HTR7: variants seen among roughly 807,000 people sequenced by gnomAD.
The protein encoded by HTR7 is 5-hydroxytryptamine receptor 7.
In HTR7, 16 loss-of-function variants were observed where a neutral mutation model predicts 34.0. The observed-to-expected ratio is 0.47, with a 90% CI of 0.32 to 0.71. HTR7 has a LOEUF of 0.71. Among genes scored for constraint, HTR7 ranks in the 30% least tolerant of loss-of-function variants. The pLI is 0.04. For synonymous variants in HTR7, 265 were observed against 260.2 expected, an observed-to-expected ratio of 1.02 and a Z score of -0.18; for missense variants, 504 against 625.5, an observed-to-expected ratio of 0.81 and a Z score of 2.07.
intron 1 of HTR7, among the ~76,000 whole-genome samples, chr10:90,762,151 G>T (rs1266379150): frequency 6.6e-6 from 1 of 152,194 alleles, no homozygotes; most frequent in East Asian, 1.9e-4. Context: ...ATACCCAGAA[G>T]TAGAAGCACT....
In HTR7 at chr10:90,857,758, C is replaced by T; in HGVS notation, c.-87G>A. 2 of 1,297,074 alleles carry T rather than the reference C, an allele frequency of 1.5e-6. No individual in the cohort carries two copies. The highest frequency in any genetic ancestry group is 2.0e-6 in the Non-Finnish European group (2 of 1,008,576). The allele number at this position is 1,297,074 out of a possible 1,614,324, so 80.3% of individuals were successfully genotyped here. The stretch of plus-strand genomic sequence containing the variant: ...GCCCCGGGGCTTCACCTCACCGGTT[C>T]CGCTCCGCCCGGCCCAGCCATGGGG... On this transcript the variant is annotated 5_prime_UTR_variant, in exon 1 of 4. Coordinates refer to ENST00000336152, the MANE Select transcript of HTR7 (RefSeq NM_019859.4). The surrounding 1 kb of genome is among the most constrained non-coding windows in gnomAD (Gnocchi z 6.5).
chr10:90,818,440 G>A (rs1320966822), intron 1 of HTR7, among the ~76,000 whole-genome samples: 3 of 151,314 alleles, frequency 2.0e-5, no homozygotes, highest in African/African-American at 7.4e-5. Flanking sequence ...CAGCTGCTTG[G>A]GAAGCTGAGG....
In HTR7 at chr10:90,759,830, G is replaced by T. The variant is rs1042339951; in HGVS notation, c.540-10236C>A. 2.0e-5 allele frequency among the ~76,000 whole-genome samples: 3 copies of T among 152,194 alleles called. No individual in the cohort carries two copies. In the East Asian group the frequency reaches 5.8e-4, roughly 29 times the overall value. ...CAGGAGCTGGGGGGAAGCAAGGTAG[G>T]ATACAGTGTTAGAGCACTAATCAAT... On this transcript the variant is annotated intron_variant, in intron 1 of 3. Coordinates refer to ENST00000336152, the MANE Select transcript of HTR7 (RefSeq NM_019859.4).
intron 1 of HTR7, among the ~76,000 whole-genome samples, chr10:90,759,868 G>A (rs147538203): frequency 1.3e-5 from 2 of 152,276 alleles, no homozygotes; most frequent in East Asian, 3.9e-4. Context: ...AACTTTCAAA[G>A]TAGAGATCAA....
chr10:90,783,822 A>G (rs1386927029), intron 1 of HTR7, among the ~76,000 whole-genome samples: 1 of 152,142 alleles, frequency 6.6e-6, no homozygotes, highest in Non-Finnish European at 1.5e-5. Flanking sequence ...ACTAATACAC[A>G]GTTCACCTCT....
chr10:90,751,765 A>T (rs1350034376), intron 1 of HTR7, among the ~76,000 whole-genome samples: 2 of 152,008 alleles, frequency 1.3e-5, no homozygotes, highest in Non-Finnish European at 2.9e-5. Flanking sequence ...AACCTAGTAA[A>T]CTCCTATTTT....
Position 90,857,640 on chromosome 10 carries a change from T to A in HTR7, c.32A>T (p.Asp11Val), listed in dbSNP as rs1564705629. 1 of 1,593,246 alleles carries A rather than the reference T, an allele frequency of 6.3e-7. No individual in the cohort carries two copies. Among genetic ancestry groups the A allele is most frequent in the Non-Finnish European group, 8.5e-7 (1 of 1,174,060 alleles). ...GAAAGAGCGGAGGTGCCCGTAGAGGTCCGGGCGGCCGCTGCTGTTAACGTC... is the reference window on the plus strand; with the variant it reads ...GAAAGAGCGGAGGTGCCCGTAGAGGACCGGGCGGCCGCTGCTGTTAACGTC... Reference protein sequence around the residue: MMDVNSSGRPDLYGHLRSFLL... With the variant: MMDVNSSGRPVLYGHLRSFLL... The change falls in exon 1 of 4, where the codon GAC (aspartate) becomes GTC (valine). Residue 11 changes from aspartate to valine, a missense_variant. Physicochemically the swap from Asp to Val is radical, Grantham distance 152 (BLOSUM62 -3). This residue lies in a region of HTR7 where 139 missense variants were observed against 117.1 expected (regional missense o/e 1.19). Transcript: ENST00000336152. The surrounding 1 kb of genome is among the most constrained non-coding windows in gnomAD (Gnocchi z 6.5).
intron 1 of HTR7, among the ~76,000 whole-genome samples, chr10:90,828,660 G>A (rs1306958129): frequency 6.6e-6 from 1 of 152,012 alleles, no homozygotes; most frequent in Non-Finnish European, 1.5e-5. Flanking sequence ...TCCAAAATTT[G>A]AACATACCGA....
chr10:90,847,079 A>T (rs1408681642), intron 1 of HTR7, among the ~76,000 whole-genome samples: 1 of 152,166 alleles, frequency 6.6e-6, no homozygotes, highest in Non-Finnish European at 1.5e-5. Flanking sequence ...ACACACATAG[A>T]TATAAATAAA....
At chr10:90,759,482 C>T (rs111769426) in intron 1 of HTR7, among the ~76,000 whole-genome samples, 5,138 of 148,808 alleles carry the variant, frequency 0.035, 269 homozygotes, top group African/African-American at 0.11. Flanking sequence ...GGTGAAACCC[C>T]GTCTCTACTA....
intron 1 of HTR7, among the ~76,000 whole-genome samples, chr10:90,854,843 A>T (rs1317028023): frequency 6.6e-6 from 1 of 152,242 alleles, no homozygotes; most frequent in Non-Finnish European, 1.5e-5. Flanking sequence ...ATCTTTGATT[A>T]TGCTGCACAA....
chr10:90,815,575 G>C (rs1015942909), intron 1 of HTR7, among the ~76,000 whole-genome samples: 1 of 151,712 alleles, frequency 6.6e-6, no homozygotes, highest in Admixed American at 6.6e-5. Context: ...GGCCTTTTGT[G>C]GGGGGCCTGA....
chr10:90,760,763 C>A (rs1373135209), intron 1 of HTR7, among the ~76,000 whole-genome samples: 2 of 152,108 alleles, frequency 1.3e-5, no homozygotes, highest in Admixed American at 1.3e-4. Flanking sequence ...CATCTGTAAT[C>A]CCAGCTACTT....
intron 1 of HTR7, among the ~76,000 whole-genome samples, chr10:90,785,586 A>C (rs1324424864): frequency 6.6e-6 from 1 of 152,142 alleles, no homozygotes; most frequent in Admixed American, 6.5e-5. Flanking sequence ...CACTAAATAC[A>C]TATGAATAAC....
In HTR7 at chr10:90,740,829, ATTG is replaced by A. The variant is rs1844528866; in HGVS notation, c.*1650_*1652del. The A allele has an allele frequency of 6.6e-6, 1 of 152,608 alleles. No individual in the cohort carries two copies. The highest frequency in any genetic ancestry group is 2.1e-4 in the South Asian group (1 of 4,834). 9.5% of individuals were successfully genotyped at this position (152,608 alleles called of 1,614,324 possible). On this transcript the variant is annotated 3_prime_UTR_variant, in exon 4 of 4. Coordinates refer to ENST00000336152, the MANE Select transcript of HTR7 (RefSeq NM_019859.4). ...TATGACATAAGACCTTTAATTAAAAATTGTTACTTACGTTGCTTTATTTCAGCT... is the reference window on the plus strand; with the variant it reads ...TATGACATAAGACCTTTAATTAAAAATTACTTACGTTGCTTTATTTCAGCT...
In HTR7 at chr10:90,857,819, T is replaced by C; in HGVS notation, c.-148A>G. 4.1e-6 allele frequency: 3 copies of C among 737,384 alleles called. No individual in the cohort carries two copies. The highest frequency in any genetic ancestry group is 5.6e-6 in the Non-Finnish European group (3 of 533,860). 45.7% of individuals were successfully genotyped at this position (737,384 alleles called of 1,614,324 possible). ...CCGCTGGGGGGCGCCTGGCTCTGTCTCGGAGCCCCGCACTCCCCGGACCCC... is the reference window on the plus strand; with the variant it reads ...CCGCTGGGGGGCGCCTGGCTCTGTCCCGGAGCCCCGCACTCCCCGGACCCC... On this transcript the variant is annotated 5_prime_UTR_variant, in exon 1 of 4. Coordinates refer to ENST00000336152, the MANE Select transcript of HTR7 (RefSeq NM_019859.4). This position sits in a 1 kb window ranked among gnomAD's most constrained non-coding sequence, Gnocchi z 6.5.
chr10:90,844,725 TCAAAAAAAAAAAAAAA>T (rs1208420115), intron 1 of HTR7, among the ~76,000 whole-genome samples: 5,582 of 27,718 alleles, frequency 0.2, 309 homozygotes, highest in East Asian at 0.38. Context: ...AGACTCCGTC[TCAAAAAAAAAAAAAAA>T]AAAAAAAAAA....
intron 1 of HTR7, among the ~76,000 whole-genome samples, chr10:90,822,087 A>C (rs1482974862): frequency 6.6e-6 from 1 of 152,210 alleles, no homozygotes; most frequent in Admixed American, 6.5e-5. Flanking sequence ...ATTGCTATAA[A>C]TATACCTGAA....
chr10:90,831,540 C>T (rs756943861), intron 1 of HTR7, among the ~76,000 whole-genome samples: 1 of 152,208 alleles, frequency 6.6e-6, no homozygotes, highest in Non-Finnish European at 1.5e-5. Flanking sequence ...AAGCAAAACA[C>T]ATTGCTTCCA....
Sources: gnomAD v4.1 joint callset for allele counts (sites outside exome capture counted in the v4.1 genomes callset) on GRCh38, gnomAD v4.1.1 for gene constraint, gnomAD v4.1.1 regional missense constraint, Gnocchi (gnomAD v3.1) non-coding constraint, MANE v1.5 for transcripts, NCBI Gene and HGNC (gene_info 2026-07-23, HGNC 2026-07-21) for gene names.